CFAP144: variants seen among roughly 807,000 people sequenced by gnomAD.
The protein encoded by CFAP144 is cilia and flagella associated protein 144.
At chr1:43,156,056 C>T in the CFAP144 span, 1 of 662,234 alleles carries the variant, frequency 1.5e-6, no homozygotes, top group Non-Finnish European at 2.7e-6. Flanking sequence ...ACCTCACAAC[C>T]TTTTTGATGT....
At chr1:43,144,528 T>A in the CFAP144 span, among the ~76,000 whole-genome samples, 1 of 152,126 alleles carries the variant, frequency 6.6e-6, no homozygotes, top group African/African-American at 2.4e-5. Flanking sequence ...TCCTTAATGC[T>A]CTCATCATCC....
the CFAP144 span, chr1:43,156,077 A>C: frequency 1.4e-6 from 1 of 732,808 alleles, no homozygotes; most frequent in Non-Finnish European, 2.4e-6. Flanking sequence ...ACATGTGGTC[A>C]TCTCCATTCC....
At chr1:43,147,789 G>A in the CFAP144 span, 2 of 1,471,592 alleles carry the variant, frequency 1.4e-6, no homozygotes, top group South Asian at 1.4e-5. Flanking sequence ...GGCGATGCAG[G>A]CAGGGTAAGG....
the CFAP144 span, chr1:43,152,830 A>G: frequency 7.5e-6 from 12 of 1,608,782 alleles, no homozygotes; most frequent in South Asian, 6.6e-5. Flanking sequence ...TCTCCCAGCC[A>G]GGTTTCTGAA....
the CFAP144 span, among the ~76,000 whole-genome samples, chr1:43,155,108 T>C: frequency 2.0e-5 from 3 of 152,214 alleles, no homozygotes; most frequent in Non-Finnish European, 4.4e-5. Context: ...CAGACCTAGT[T>C]GAAAAGTAAT....
the CFAP144 span, chr1:43,152,941 G>T: frequency 6.2e-7 from 1 of 1,607,786 alleles, no homozygotes; most frequent in South Asian, 1.1e-5. Flanking sequence ...GGTAAGCGTG[G>T]CTCCTTCCTC....
the CFAP144 span, chr1:43,145,123 A>T: frequency 1.5e-6 from 1 of 688,400 alleles, no homozygotes. Flanking sequence ...CTTTTTTTTG[A>T]CAGTTTGCTC....
the CFAP144 span, among the ~76,000 whole-genome samples, chr1:43,154,166 CT>C: frequency 9.8e-6 from 1 of 102,154 alleles, no homozygotes; most frequent in East Asian, 2.8e-4. Context: ...TTTTTATATT[CT>C]TTTTATTTAT....
At chr1:43,149,277 C>T in the CFAP144 span, among the ~76,000 whole-genome samples, 2 of 152,242 alleles carry the variant, frequency 1.3e-5, no homozygotes, top group Non-Finnish European at 2.9e-5. Flanking sequence ...CTCTCCCCCA[C>T]TTTACCCTGC....
chr1:43,147,612 A>G, the CFAP144 span, among the ~76,000 whole-genome samples: 1 of 152,202 alleles, frequency 6.6e-6, no homozygotes, highest in African/African-American at 2.4e-5. Flanking sequence ...AGGTCCAATC[A>G]TCTGTCCCTT....
the CFAP144 span, chr1:43,148,186 T>A: frequency 1.8e-6 from 2 of 1,124,916 alleles, no homozygotes; most frequent in Non-Finnish European, 2.5e-6. Context: ...CAGCAAAAAC[T>A]CTTTCCCCAG....
chr1:43,148,207 C>T, the CFAP144 span: 1 of 1,005,736 alleles, frequency 9.9e-7, no homozygotes, highest in Non-Finnish European at 1.4e-6. Flanking sequence ...CACCCGCCCC[C>T]TTTCCTAGAT....
At chr1:43,155,203 A>G in the CFAP144 span, among the ~76,000 whole-genome samples, 5 of 152,342 alleles carry the variant, frequency 3.3e-5, no homozygotes, top group Admixed American at 3.3e-4. Flanking sequence ...GTTTGTGTGA[A>G]GATAGAAATC....
the CFAP144 span, among the ~76,000 whole-genome samples, chr1:43,154,913 C>A: frequency 2.0e-3 from 312 of 152,246 alleles, 4 homozygotes; most frequent in Admixed American, 0.017. Flanking sequence ...TAATTTCCAC[C>A]TAATAGGGTG....
the CFAP144 span, chr1:43,147,717 G>A: frequency 9.1e-5 from 122 of 1,341,672 alleles, no homozygotes; most frequent in South Asian, 1.8e-3. Flanking sequence ...TGGGGCAAGT[G>A]AGTACAGTGC....
the CFAP144 span, chr1:43,156,337 G>C: frequency 6.4e-7 from 1 of 1,563,724 alleles, no homozygotes; most frequent in East Asian, 2.2e-5. Context: ...GAGCCCATCT[G>C]TGGATCTAAT....
chr1:43,156,173 G>A, the CFAP144 span: 1 of 1,595,510 alleles, frequency 6.3e-7, no homozygotes, highest in Non-Finnish European at 8.6e-7. Flanking sequence ...CATCCTCACA[G>A]GCTTCTTTCT....
the CFAP144 span, chr1:43,145,306 T>A: frequency 6.5e-7 from 1 of 1,547,114 alleles, no homozygotes; most frequent in Non-Finnish European, 8.7e-7. Flanking sequence ...GGGTAAGTCT[T>A]GTCGATCTGC....
At chr1:43,143,988 T>C in the CFAP144 span, among the ~76,000 whole-genome samples, 70,558 of 152,090 alleles carry the variant, frequency 0.46, 17,751 homozygotes, top group African/African-American at 0.67. Context: ...CGTGACATCT[T>C]TAATCACACA....
Sources: allele counts gnomAD v4.1 joint callset (sites outside exome capture counted in the v4.1 genomes callset), GRCh38; gene constraint gnomAD v4.1.1; transcripts MANE v1.5; gene names NCBI Gene and HGNC (gene_info 2026-07-23, HGNC 2026-07-21).